The following CRTAC1 variants were observed in gnomAD, a reference collection of about 807,000 sequenced individuals.
CRTAC1 encodes cartilage acidic protein 1.
CRTAC1 carries 37 observed loss-of-function variants against 67.8 expected under a neutral mutation model. The observed-to-expected ratio is 0.55, with a 90% CI of 0.42 to 0.72. The LOEUF (loss-of-function observed/expected upper bound fraction) is 0.72. Ranked by LOEUF, CRTAC1 falls within the 30% of genes least tolerant of loss-of-function variation. The probability of loss-of-function intolerance (pLI) is 0.00; values close to 1 mark genes in which losing one functional copy is unlikely to be tolerated. For missense variants in CRTAC1, 780 were observed against 931.6 expected, an observed-to-expected ratio of 0.84 and a Z score of 2.12; for synonymous variants, 348 against 371.0, an observed-to-expected ratio of 0.94 and a Z score of 0.71.
At chr10:97,950,366 G>A (rs1439835277) in intron 2 of CRTAC1, among the ~76,000 whole-genome samples, 8 of 152,052 alleles carry the variant, frequency 5.3e-5, no homozygotes, top group Non-Finnish European at 1.2e-4. Flanking sequence ...TTTGACAGGA[G>A]CTGAATGATA....
intron 5 of CRTAC1, among the ~76,000 whole-genome samples, chr10:97,911,198 C>T (rs887700591): frequency 6.6e-6 from 1 of 152,246 alleles, no homozygotes; most frequent in Non-Finnish European, 1.5e-5. Flanking sequence ...CAGGCACTTG[C>T]CTCCACGCAG....
intron 2 of CRTAC1, among the ~76,000 whole-genome samples, chr10:97,982,051 C>T (rs1029385752): frequency 5.9e-5 from 9 of 152,184 alleles, no homozygotes; most frequent in African/African-American, 1.4e-4. Context: ...AAGTCATGTA[C>T]ACTTAGCCTC....
chr10:97,981,787 T>C (rs1042123738), intron 2 of CRTAC1, among the ~76,000 whole-genome samples: 32 of 152,346 alleles, frequency 2.1e-4, no homozygotes, highest in African/African-American at 7.7e-4. Context: ...TTTGTCAATA[T>C]TGAGTAGTAT....
At chr10:97,990,654 A>G (rs1340473890) in intron 2 of CRTAC1, among the ~76,000 whole-genome samples, 2 of 152,238 alleles carry the variant, frequency 1.3e-5, no homozygotes, top group African/African-American at 4.8e-5. Context: ...TCTTTAATCC[A>G]TCAGGCACAT....
intron 1 of CRTAC1, among the ~76,000 whole-genome samples, chr10:98,018,666 T>C (rs565142418): frequency 3.3e-5 from 5 of 152,272 alleles, no homozygotes; most frequent in Admixed American, 3.3e-4. Context: ...ACAGTTCTTT[T>C]GCAATTATGG....
chr10:97,969,352 A>C (rs1335794035), intron 2 of CRTAC1, among the ~76,000 whole-genome samples: 2 of 152,136 alleles, frequency 1.3e-5, no homozygotes, highest in Non-Finnish European at 2.9e-5. Context: ...CAGCCCCTTG[A>C]CAATCACTAC....
At chr10:98,023,104 C>G (rs553394749) in intron 1 of CRTAC1, among the ~76,000 whole-genome samples, 1 of 152,228 alleles carries the variant, frequency 6.6e-6, no homozygotes, top group South Asian at 2.1e-4. Context: ...TAAACCTGCA[C>G]TGAGCTTCCC....
chr10:97,977,093 G>C (rs1374023037), intron 2 of CRTAC1, among the ~76,000 whole-genome samples: 1 of 152,206 alleles, frequency 6.6e-6, no homozygotes, highest in Non-Finnish European at 1.5e-5. Context: ...TGGTATTCAT[G>C]TGCAATTTAC....
chr10:97,918,606 T>G (rs1445495696), intron 4 of CRTAC1, among the ~76,000 whole-genome samples: 1 of 152,192 alleles, frequency 6.6e-6, no homozygotes, highest in Non-Finnish European at 1.5e-5. Flanking sequence ...GTAGGTTGCT[T>G]GTAGTCTAGT....
chr10:98,030,465 G>A lies in CRTAC1; in HGVS notation c.8C>T (p.Pro3Leu). ...GATACTCACGCCGGGGTCAGCGCTC[G>A]GAGCCATCCTCCCGCTCTCGGCCCC... is the stretch of plus-strand genomic sequence containing the variant. MA[P>L]SADPGMSRML... The change falls in exon 1 of 15, where the codon CCG becomes CTG. Residue 3 changes from proline (P) to leucine (L), a missense_variant. Coordinates refer to ENST00000370597, the MANE Select transcript of CRTAC1 (RefSeq NM_018058.7). This position sits in a 1 kb window ranked among gnomAD's most constrained non-coding sequence, Gnocchi z 4.2. 1 of 1,249,304 alleles carries A rather than the reference G, an allele frequency of 8.0e-7. No homozygotes were observed. The highest frequency in any genetic ancestry group is 1.0e-6 in the Non-Finnish European group (1 of 988,938). The allele number at this position is 1,249,304 out of a possible 1,614,324, so 77.4% of individuals were successfully genotyped here.
At chr10:97,957,531 C>T (rs2051459621) in intron 2 of CRTAC1, among the ~76,000 whole-genome samples, 1 of 152,134 alleles carries the variant, frequency 6.6e-6, no homozygotes, top group South Asian at 2.1e-4. Context: ...AACCAAGGCT[C>T]AGCAAGGTTA....
chr10:97,989,732 T>C (rs962245711), intron 2 of CRTAC1, among the ~76,000 whole-genome samples: 2 of 152,224 alleles, frequency 1.3e-5, no homozygotes, highest in African/African-American at 2.4e-5. Context: ...TTAGCTATTA[T>C]TGTCTCTACT....
rs150229055 is a variant in CRTAC1, at chr10:98,011,151, T to C, written c.211A>G (p.Ile71Val). 4 of 1,614,014 alleles carry C rather than the reference T, an allele frequency of 2.5e-6. No homozygotes were observed. In the African/African-American group the frequency reaches 4.0e-5, roughly 16 times the overall value. Reference sequence around the variant, plus strand: ...GGAGGCACTTACCCCGCCACGACGATCTCAAAGTCCCCATCATGGTCCACA... The same window carrying C: ...GGAGGCACTTACCCCGCCACGACGACCTCAAAGTCCCCATCATGGTCCACA... ...TDVDHDGDFE[I>V]VVAGYNGPNL... Residue 71 changes from isoleucine to valine, a missense_variant, in exon 2 of 15, where the codon ATC (isoleucine) becomes GTC (valine). By Grantham distance (29) the Ile-to-Val change is conservative (BLOSUM62 3). Coordinates refer to ENST00000370597, the MANE Select transcript of CRTAC1 (RefSeq NM_018058.7).
At position 97,865,377 on chromosome 10, in the gene CRTAC1, A is replaced by AG; in HGVS notation, c.*170dup. The AG allele has an allele frequency of 1.3e-6, 1 of 758,348 alleles. No individual in the cohort carries two copies. The allele number at this position is 758,348 out of a possible 1,614,324, so 47.0% of individuals were successfully genotyped here. A position where few individuals can be genotyped will look rare whatever the true frequency, so the allele number is the denominator to read the frequency against. On this transcript the variant is annotated 3_prime_UTR_variant, in exon 15 of 15. Transcript: ENST00000370597. Reference sequence around the variant, plus strand: ...GTGATCACAGCTATGTGCCCAGCACAGGGCCTGGCCTTACGAGTCTCCCTA... The same window carrying AG: ...GTGATCACAGCTATGTGCCCAGCACAGGGGCCTGGCCTTACGAGTCTCCCTA...
chr10:97,962,472 T>C (rs1040305657), intron 2 of CRTAC1, among the ~76,000 whole-genome samples: 2 of 152,222 alleles, frequency 1.3e-5, no homozygotes, highest in Non-Finnish European at 1.5e-5. Flanking sequence ...CATAATATTA[T>C]TAGGCTACTG....
At chr10:97,917,167 A>G (rs2050770779) in intron 5 of CRTAC1, among the ~76,000 whole-genome samples, 1 of 152,200 alleles carries the variant, frequency 6.6e-6, no homozygotes, top group Non-Finnish European at 1.5e-5. Context: ...GAACCTGCTC[A>G]CCCATCATTG....
chr10:97,914,901 T>TC (rs1365931494), intron 5 of CRTAC1, among the ~76,000 whole-genome samples: 2 of 151,520 alleles, frequency 1.3e-5, no homozygotes, highest in African/African-American at 4.9e-5. Context: ...GGCCCTCGAG[T>TC]CCCCCGAGAG....
chr10:97,878,613 A>G (rs538217530), intron 14 of CRTAC1: 1 of 1,303,492 alleles, frequency 7.7e-7, no homozygotes, highest in Admixed American at 2.3e-5. Flanking sequence ...GCGTTACATC[A>G]TTTCCAAAGA....
chr10:97,974,308 C>T (rs370748171), intron 2 of CRTAC1, among the ~76,000 whole-genome samples: 7 of 152,276 alleles, frequency 4.6e-5, no homozygotes, highest in African/African-American at 1.4e-4. Context: ...AGGCTCCCCC[C>T]CTGCTGCGTA....
Sources: gnomAD v4.1 joint callset for allele counts (sites outside exome capture counted in the v4.1 genomes callset) on GRCh38, gnomAD v4.1.1 for gene constraint, Gnocchi (gnomAD v3.1) non-coding constraint, MANE v1.5 for transcripts, NCBI Gene and HGNC (gene_info 2026-07-23, HGNC 2026-07-21) for gene names.